The following TEAD4 variants were observed in gnomAD, a reference collection of about 807,000 sequenced individuals.
TEAD4 encodes TEA domain transcription factor 4.
TEAD4 carries 36 observed loss-of-function variants against 52.4 expected under a neutral mutation model. The observed-to-expected ratio is 0.69, with a 90% CI of 0.53 to 0.91. The LOEUF is 0.91. Among genes scored for constraint, TEAD4 ranks in the 40% least tolerant of loss-of-function variants. The pLI is 0.00. For synonymous variants in TEAD4, 220 were observed against 231.0 expected, an observed-to-expected ratio of 0.95 and a Z score of 0.43; for missense variants, 508 against 583.9, an observed-to-expected ratio of 0.87 and a Z score of 1.34.
intron 2 of TEAD4, among the ~76,000 whole-genome samples, chr12:2,963,590 T>C (rs2098217701): frequency 6.6e-6 from 1 of 152,152 alleles, no homozygotes; most frequent in Non-Finnish European, 1.5e-5. Context: ...GAGAACACGG[T>C]CTCCAGCTCC....
chr12:2,961,850 T>G (rs1393858013), intron 2 of TEAD4, among the ~76,000 whole-genome samples: 6 of 152,164 alleles, frequency 3.9e-5, no homozygotes, highest in African/African-American at 1.4e-4. Flanking sequence ...TTGCCCTGTC[T>G]ATCATGTTTA....
intron 2 of TEAD4, among the ~76,000 whole-genome samples, chr12:2,985,495 C>T (rs1454820935): frequency 2.9e-5 from 4 of 138,384 alleles, no homozygotes; most frequent in Admixed American, 1.6e-4. Flanking sequence ...CTTCTGTTTA[C>T]AAAATCTTTT....
intron 7 of TEAD4, 121 bp downstream of exon 7, chr12:3,018,709 C>A: frequency 8.0e-7 from 1 of 1,250,398 alleles, no homozygotes; most frequent in Non-Finnish European, 1.2e-6. Flanking sequence ...GTCGGCCTTT[C>A]AGGATGGCTC....
intron 3 of TEAD4, among the ~76,000 whole-genome samples, chr12:2,998,053 G>C (rs1171085498): frequency 6.6e-6 from 1 of 152,052 alleles, no homozygotes; most frequent in Non-Finnish European, 1.5e-5. Flanking sequence ...GTCTTTATGG[G>C]TCTGACTCCT....
Position 2,994,831 on chromosome 12 carries a change from G to A in TEAD4, c.65G>A (p.Ser22Asn). The A allele has an allele frequency of 6.2e-7, 1 of 1,613,984 alleles. No individual in the cohort carries two copies. ...AGCTCTCCCACCTCCCCTGAGGGGA[G>A]CACCGCCTCTGGGGGCAGTCAGGCA... Residue 22 changes from serine to asparagine, a missense_variant, in exon 3 of 13, where the codon AGC becomes AAC. Transcript: ENST00000359864. The surrounding 1 kb of genome is among the most constrained non-coding windows in gnomAD (Gnocchi z 4.7).
chr12:2,974,521 CT>C (rs1235024189), intron 2 of TEAD4, among the ~76,000 whole-genome samples: 14 of 152,184 alleles, frequency 9.2e-5, no homozygotes, highest in Non-Finnish European at 4.4e-5. Flanking sequence ...ATTCTTCCCC[CT>C]GGGGGTGCAG....
At chr12:2,974,379 G>A (rs1276185553) in intron 2 of TEAD4, among the ~76,000 whole-genome samples, 1 of 152,150 alleles carries the variant, frequency 6.6e-6, no homozygotes, top group Admixed American at 6.5e-5. Flanking sequence ...GTGGCTCTGG[G>A]ACAGAAGACT....
intron 10 of TEAD4, among the ~76,000 whole-genome samples, chr12:3,034,568 G>A (rs1246045296): frequency 6.6e-6 from 1 of 152,168 alleles, no homozygotes; most frequent in Non-Finnish European, 1.5e-5. Context: ...GGGAGGTGTG[G>A]ATGCCAGTCC....
intron 2 of TEAD4, among the ~76,000 whole-genome samples, chr12:2,974,383 G>C (rs2098227722): frequency 6.6e-6 from 1 of 152,186 alleles, no homozygotes; most frequent in South Asian, 2.1e-4. Context: ...CTCTGGGACA[G>C]AAGACTTACA....
At chr12:3,038,818 G>C (rs2098280963) in intron 11 of TEAD4, among the ~76,000 whole-genome samples, 1 of 152,182 alleles carries the variant, frequency 6.6e-6, no homozygotes, top group African/African-American at 2.4e-5. Flanking sequence ...CACTGTCCGT[G>C]ACACGGTCTC....
At chr12:3,027,002 A>T (rs1042842132) in intron 10 of TEAD4, among the ~76,000 whole-genome samples, 2 of 151,784 alleles carry the variant, frequency 1.3e-5, no homozygotes, top group African/African-American at 4.8e-5. Context: ...CCCTCCCCCA[A>T]CCCACGCCCA....
chr12:2,974,003 G>GT (rs1565524125), intron 2 of TEAD4, among the ~76,000 whole-genome samples: 1 of 152,072 alleles, frequency 6.6e-6, no homozygotes, highest in African/African-American at 2.4e-5. Context: ...TCCAGCTATT[G>GT]TTTTTTCTTT....
chr12:3,033,405 C>T (rs760230635), intron 10 of TEAD4, among the ~76,000 whole-genome samples: 6 of 152,214 alleles, frequency 3.9e-5, no homozygotes, highest in African/African-American at 1.2e-4. Flanking sequence ...CCCAGAGCCC[C>T]GCAAGTCCAG....
chr12:3,020,124 A>G (rs1179579494), intron 8 of TEAD4, among the ~76,000 whole-genome samples: 1 of 152,176 alleles, frequency 6.6e-6, no homozygotes, highest in East Asian at 1.9e-4. Context: ...GGACTGGAGT[A>G]GGTTCATCTG....
chr12:3,012,317 C>G, intron 5 of TEAD4, 85 bp downstream of exon 5: 1 of 1,429,136 alleles, frequency 7.0e-7, no homozygotes, highest in Non-Finnish European at 9.7e-7. Context: ...GGCATCACTG[C>G]TGGTGTGCAA....
rs2098213587 is a variant in TEAD4, at chr12:2,959,665, C to G, written c.-123+184C>G. On this transcript the variant is annotated intron_variant, in intron 1 of 12. Transcript: ENST00000359864. The surrounding 1 kb of genome is among the most constrained non-coding windows in gnomAD (Gnocchi z 5.1). ...CGACCTCTGGCTTCCCTCCGCGCTC[C>G]GGCGCTGCTCGCTGCCCCTCTCCCG... The G allele has an allele frequency of 6.6e-6, 1 of 151,920 alleles. No homozygotes were observed. Among genetic ancestry groups the G allele is most frequent in the Admixed American group, 6.6e-5 (1 of 15,182 alleles). The allele number at this position is 151,920 out of a possible 1,614,324, so 9.4% of individuals were successfully genotyped here.
intron 3 of TEAD4, among the ~76,000 whole-genome samples, chr12:2,996,823 C>A (rs1335259444): frequency 6.6e-6 from 1 of 152,170 alleles, no homozygotes; most frequent in Admixed American, 6.5e-5. Flanking sequence ...TAAAGTGATT[C>A]TTCTGCTTCA....
chr12:2,996,784 C>T (rs556938366), intron 3 of TEAD4, among the ~76,000 whole-genome samples: 4 of 152,208 alleles, frequency 2.6e-5, no homozygotes, highest in South Asian at 2.1e-4. Context: ...GGAGCAATCT[C>T]GGCTCACTGC....
At chr12:3,015,089 G>A (rs1188131429) in intron 5 of TEAD4, among the ~76,000 whole-genome samples, 1 of 147,054 alleles carries the variant, frequency 6.8e-6, no homozygotes, top group African/African-American at 2.6e-5. Context: ...CAAAGCCCAA[G>A]TTTGGCCCCA....
Sources: allele counts gnomAD v4.1 joint callset (sites outside exome capture counted in the v4.1 genomes callset), GRCh38; gene constraint gnomAD v4.1.1; non-coding constraint Gnocchi (gnomAD v3.1); transcripts MANE v1.5; gene names NCBI Gene and HGNC (gene_info 2026-07-23, HGNC 2026-07-21).